ADGRD1: variants seen among roughly 807,000 people sequenced by gnomAD.
ADGRD1 encodes the protein adhesion G protein-coupled receptor D1.
ADGRD1 carries 77 observed loss-of-function variants against 113.4 expected under a neutral mutation model. That is an observed-to-expected ratio of 0.68 (90% CI 0.57 to 0.82). ADGRD1 has a LOEUF of 0.82. Among genes scored for constraint, ADGRD1 ranks in the 40% least tolerant of loss-of-function variants. The pLI, the probability that ADGRD1 is intolerant of heterozygous loss-of-function variation, is 0.00. For synonymous variants in ADGRD1, 474 were observed against 475.0 expected, an observed-to-expected ratio of 1.00 and a Z score of 0.03; for missense variants, 1,036 against 1,139.1, an observed-to-expected ratio of 0.91 and a Z score of 1.30.
At position 131,006,008 on chromosome 12, in the gene ADGRD1, T is replaced by G. The variant is rs1437221275; in HGVS notation, c.1292T>G (p.Met431Arg). ...GTCGTGGGTCTGCTGTACCACAGCA[T>G]GCACTACTACCTGAACAACATCTGG... The part of the protein sequence containing the change: ...STVVGLLYHS[M>R]HYYLNNIWPA... The change falls in exon 12 of 25, where the codon ATG becomes AGG. Residue 431 changes from methionine to arginine, a missense_variant. By Grantham distance (91) the Met-to-Arg change is moderately conservative. Coordinates refer to ENST00000261654, the MANE Select transcript of ADGRD1 (RefSeq NM_198827.5). 1.2e-6 allele frequency: 2 copies of G among 1,612,628 alleles called. No individual in the cohort carries two copies. The highest frequency in any genetic ancestry group is 1.7e-6 in the Non-Finnish European group (2 of 1,180,004).
At chr12:130,986,948 C>G in intron 5 of ADGRD1, 147 bp from the exon 6 acceptor site, 1 of 646,656 alleles carries the variant, frequency 1.5e-6, no homozygotes. Context: ...AAAGTCAGGT[C>G]TGTGTTATAC....
rs981413727 is a variant in ADGRD1, at chr12:131,097,860, G to A, written c.1672-6971G>A. Among the ~76,000 whole-genome samples the A allele has an allele frequency of 6.6e-5, 10 of 152,336 alleles. No homozygotes were observed. In the South Asian group the frequency reaches 8.3e-4, roughly 13 times the overall value. ...GCCCGGAGTTCCTGCTCTTGTGCCC[G>A]GGAGCCCATCCTCTGCTCACCCTGC... On this transcript the variant is annotated intron_variant, in intron 15 of 24. Transcript: ENST00000261654.
chr12:130,992,563 CTCTGT>C (rs1183798363), intron 8 of ADGRD1, 171 bp downstream of exon 8: 75 of 580,668 alleles, frequency 1.3e-4, no homozygotes, highest in African/African-American at 1.3e-3. Context: ...TCCTGGCCAG[CTCTGT>C]ACAGCTCAGC....
chr12:131,029,545 G>A (rs1188160282), intron 13 of ADGRD1, among the ~76,000 whole-genome samples: 2 of 151,350 alleles, frequency 1.3e-5, no homozygotes, highest in Non-Finnish European at 2.9e-5. Flanking sequence ...CCCTCGTTCG[G>A]TGACATTCCC....
At chr12:130,968,937 A>C in intron 3 of ADGRD1, 1 of 1,166,252 alleles carries the variant, frequency 8.6e-7, no homozygotes, top group Non-Finnish European at 1.2e-6. Flanking sequence ...CTTTTGTCTC[A>C]CTCACTTGCT....
chr12:130,987,369 T>G lies in ADGRD1; in HGVS notation c.745+20T>G. ...CCATTGGTCAGTGAGTGTGAAGGGCTGGGGCAGATCCGCTGTCTGTTCCCA... is the reference window on the plus strand; with the variant it reads ...CCATTGGTCAGTGAGTGTGAAGGGCGGGGGCAGATCCGCTGTCTGTTCCCA... On this transcript the variant is annotated intron_variant, in intron 6 of 24. Transcript: ENST00000261654. The G allele has an allele frequency of 6.2e-7, 1 of 1,613,258 alleles. No individual in the cohort carries two copies. Among genetic ancestry groups the G allele is most frequent in the Non-Finnish European group, 8.5e-7 (1 of 1,179,730 alleles).
At chr12:131,077,218 G>C (rs1482316368) in intron 14 of ADGRD1, among the ~76,000 whole-genome samples, 1 of 151,028 alleles carries the variant, frequency 6.6e-6, no homozygotes, top group Non-Finnish European at 1.5e-5. Flanking sequence ...TCCCCCTCGA[G>C]GGTCTTGGAG....
chr12:131,132,016 C>G (rs1375625874), intron 21 of ADGRD1, among the ~76,000 whole-genome samples, 200 bp downstream of exon 21: 31 of 152,202 alleles, frequency 2.0e-4, no homozygotes, highest in Admixed American at 2.0e-3. Context: ...GGGCCTTTAC[C>G]CAGCCCCAGA....
chr12:131,028,333 G>A (rs1395501240), intron 13 of ADGRD1, among the ~76,000 whole-genome samples: 1 of 152,102 alleles, frequency 6.6e-6, no homozygotes, highest in Non-Finnish European at 1.5e-5. Context: ...AGGAGTTTTT[G>A]TGTATTTTGA....
intron 2 of ADGRD1, among the ~76,000 whole-genome samples, chr12:130,958,224 G>C (rs1374221432): frequency 8.8e-6 from 1 of 113,244 alleles, no homozygotes; most frequent in Non-Finnish European, 1.6e-5. Context: ...TTTTGAGACA[G>C]ACTCTTTCTC....
In ADGRD1 at chr12:130,984,590, C is replaced by A. The variant is rs1422654057; in HGVS notation, c.491-2505C>A. 2.0e-5 allele frequency among the ~76,000 whole-genome samples: 3 copies of A among 152,144 alleles called. No individual in the cohort carries two copies. Among genetic ancestry groups the A allele is most frequent in the African/African-American group, 7.2e-5 (3 of 41,422 alleles). ...TCCCCCACTATGGACATTCCCCCACCAGAATGATCCATTTGTTACATGTGA... is the reference window on the plus strand; with the variant it reads ...TCCCCCACTATGGACATTCCCCCACAAGAATGATCCATTTGTTACATGTGA... On this transcript the variant is annotated intron_variant, in intron 5 of 24. Transcript: ENST00000261654. The surrounding 1 kb of genome is among the most constrained non-coding windows in gnomAD (Gnocchi z 4.1).
At chr12:130,973,921 C>G (rs757649424) in intron 4 of ADGRD1, among the ~76,000 whole-genome samples, 1 of 152,100 alleles carries the variant, frequency 6.6e-6, no homozygotes, top group East Asian at 1.9e-4. Context: ...GATCTTGTCT[C>G]TAACTTAAAG....
At chr12:131,004,564 C>T (rs1344155572) in intron 11 of ADGRD1, among the ~76,000 whole-genome samples, 1 of 148,950 alleles carries the variant, frequency 6.7e-6, no homozygotes, top group Admixed American at 6.7e-5. Flanking sequence ...GGCCACTGAA[C>T]TGGAATTTGG....
intron 2 of ADGRD1, among the ~76,000 whole-genome samples, chr12:130,963,312 T>C (rs1593261328): frequency 1.3e-5 from 1 of 79,560 alleles, no homozygotes; most frequent in Admixed American, 2.2e-4. Flanking sequence ...AGAGCCAGAC[T>C]CCGTCTCAAA....
rs1333662633 is a variant in ADGRD1 at position 131,022,232 on chromosome 12, C to T, written c.1473+7892C>T. On this transcript the variant is annotated intron_variant, in intron 13 of 24. Coordinates refer to ENST00000261654, the MANE Select transcript of ADGRD1 (RefSeq NM_198827.5). The surrounding 1 kb of genome is among the most constrained non-coding windows in gnomAD (Gnocchi z 4.6). ...TTGCCGGTAACGCTCACGTGGATGG[C>T]ATGAGTGAGGTGGTGTCTGCCAGAT... Among the ~76,000 whole-genome samples the T allele has an allele frequency of 1.3e-5, 2 of 152,042 alleles. No homozygotes were observed. The highest frequency in any genetic ancestry group is 2.9e-5 in the Non-Finnish European group (2 of 68,006).
In ADGRD1 at chr12:131,064,573, T is replaced by G. The variant is rs73468728; in HGVS notation, c.1474-12228T>G. Among the ~76,000 whole-genome samples the G allele has an allele frequency of 4.7e-3, 722 of 152,366 alleles. 8 individuals carry two copies. The highest frequency in any genetic ancestry group is 0.016 in the African/African-American group (647 of 41,588). On this transcript the variant is annotated intron_variant, in intron 13 of 24. Coordinates refer to ENST00000261654, the MANE Select transcript of ADGRD1 (RefSeq NM_198827.5). ...TGTGTATTAGGAGAATACTATCATC[T>G]TTTGCTTCATGGGCCATGTGAATAT...
At chr12:130,958,956 C>A (rs1358299740) in intron 2 of ADGRD1, among the ~76,000 whole-genome samples, 1 of 152,226 alleles carries the variant, frequency 6.6e-6, no homozygotes, top group African/African-American at 2.4e-5. Context: ...TGCTCAAGGT[C>A]ACAGGGCTCA....
intron 4 of ADGRD1, among the ~76,000 whole-genome samples, chr12:130,974,364 T>C (rs1299454161): frequency 2.0e-5 from 3 of 152,204 alleles, no homozygotes; most frequent in African/African-American, 7.2e-5. Flanking sequence ...AAACGAGTTT[T>C]CACATATATT....
In ADGRD1 at chr12:131,004,362, A is replaced by G; in HGVS notation, c.1255+66A>G. ...CTCAAGTCTTTCTGAAGAGTCCCCA[A>G]GCTTTGCTGGGTGCCCACCGCGCCA... On this transcript the variant is annotated intron_variant, in intron 11 of 24. Coordinates refer to ENST00000261654, the MANE Select transcript of ADGRD1 (RefSeq NM_198827.5). 7 of 1,085,112 alleles carry G rather than the reference A, an allele frequency of 6.5e-6. No individual in the cohort carries two copies. In the South Asian group the frequency reaches 9.1e-5, roughly 14 times the overall value. The allele number at this position is 1,085,112 out of a possible 1,614,324, so 67.2% of individuals were successfully genotyped here.
Sources: gnomAD v4.1 joint callset for allele counts (sites outside exome capture counted in the v4.1 genomes callset) on GRCh38, gnomAD v4.1.1 for gene constraint, Gnocchi (gnomAD v3.1) non-coding constraint, MANE v1.5 for transcripts, NCBI Gene and HGNC (gene_info 2026-07-23, HGNC 2026-07-21) for gene names.